ERCC1: variants seen among roughly 807,000 people sequenced by gnomAD.
ERCC1 encodes ERCC excision repair 1, endonuclease non-catalytic subunit.
Under a neutral mutation model 37.6 loss-of-function variants are expected in ERCC1, and 36 were observed. That is an observed-to-expected ratio of 0.96 (90% CI 0.73 to 1.26). The LOEUF is 1.26. Ranked by LOEUF, ERCC1 falls within the 50% of genes most tolerant of loss-of-function variation. ERCC1 has a pLI of 0.00. For missense variants in ERCC1, 349 were observed against 376.5 expected (o/e 0.93, Z 0.60); for synonymous variants, 156 against 162.1 (o/e 0.96, Z 0.28).
intron 1 of ERCC1, among the ~76,000 whole-genome samples, chr19:45,445,532 G>A (rs930276931): frequency 6.6e-6 from 1 of 152,192 alleles, no homozygotes; most frequent in African/African-American, 2.4e-5. Context: ...GAGACAGGGG[G>A]TTGGGGGTTG....
chr19:45,430,399 G>A (rs1172863947), intron 1 of ERCC1, among the ~76,000 whole-genome samples: 1 of 152,180 alleles, frequency 6.6e-6, no homozygotes, highest in Admixed American at 6.6e-5. Context: ...TGTTAGAGAT[G>A]AAGACACCAG....
chr19:45,408,003 G>A lies in ERCC1; in HGVS notation c.*1672C>T, dbSNP rs1017353870. ...CAGGAGGTGGACATTGCAGTGAGCC[G>A]AGATCATGCCACTGCACTCCAGCCT... is the stretch of plus-strand genomic sequence containing the variant. On this transcript the variant is annotated 3_prime_UTR_variant, in exon 10 of 10. Transcript: ENST00000300853. The A allele has an allele frequency of 1.3e-4, 159 of 1,239,706 alleles. No homozygotes were observed. The African/African-American group carries it at 2.0e-3, about 16-fold the overall frequency. 76.8% of individuals were successfully genotyped at this position (1,239,706 alleles called of 1,614,324 possible).
chr19:45,413,444 G>C, intron 9 of ERCC1: 2 of 808,826 alleles, frequency 2.5e-6, no homozygotes, highest in Non-Finnish European at 2.0e-6. Context: ...TGCCCAGCTA[G>C]TTTTTTTTAT....
At position 45,408,091 on chromosome 19, in the gene ERCC1, C is replaced by T. The variant is rs567181439; in HGVS notation, c.*1584G>A. 4.0e-6 allele frequency: 6 copies of T among 1,511,994 alleles called. No homozygotes were observed. In the African/African-American group the frequency reaches 4.2e-5, roughly 11 times the overall value. The allele number at this position is 1,511,994 out of a possible 1,614,324, so 93.7% of individuals were successfully genotyped here. On this transcript the variant is annotated 3_prime_UTR_variant, in exon 10 of 10. Transcript: ENST00000300853. ...AAAAAATCAAAAAACCTTCCCTCTCCTGTTCCACTTAAGCCTCTGCCCTCC... is the reference window on the plus strand; with the variant it reads ...AAAAAATCAAAAAACCTTCCCTCTCTTGTTCCACTTAAGCCTCTGCCCTCC...
Position 45,421,727 on chromosome 19 carries a change from A to G in ERCC1, c.106-334T>C, listed in dbSNP as rs549572454. Among the ~76,000 whole-genome samples the G allele has an allele frequency of 2.7e-5, 4 of 146,772 alleles. No individual in the cohort carries two copies. The South Asian group carries it at 8.6e-4, about 32-fold the overall frequency. ...CGGCTCACTGCAACCTCCGCCCCCCAGGTTCAAGCGATTCTCCTGTCTCAG... is the reference window on the plus strand; with the variant it reads ...CGGCTCACTGCAACCTCCGCCCCCCGGGTTCAAGCGATTCTCCTGTCTCAG... On this transcript the variant is annotated intron_variant, in intron 2 of 9. Transcript: ENST00000300853.
intron 1 of ERCC1, among the ~76,000 whole-genome samples, chr19:45,430,166 G>A (rs1027911977): frequency 2.4e-4 from 36 of 152,342 alleles, no homozygotes; most frequent in African/African-American, 8.7e-4. Context: ...CTCAGTCATC[G>A]CCTTGTCCCC....
chr19:45,434,604 G>A (rs1444493628), intron 1 of ERCC1, among the ~76,000 whole-genome samples: 1 of 151,350 alleles, frequency 6.6e-6, no homozygotes, highest in Non-Finnish European at 1.5e-5. Flanking sequence ...TTTGTTTTCC[G>A]AGACTGAGTC....
In ERCC1 at chr19:45,408,593, G is replaced by A. The variant is rs1394559512; in HGVS notation, c.*1082C>T. 10 of 1,613,694 alleles carry A rather than the reference G, an allele frequency of 6.2e-6. No homozygotes were observed. The highest frequency in any genetic ancestry group is 8.5e-6 in the Non-Finnish European group (10 of 1,180,014). On this transcript the variant is annotated 3_prime_UTR_variant, in exon 10 of 10. Transcript: ENST00000300853. ...CATGGCTTTGGGGTCGCCAGAAATG[G>A]ATGTGCGGAAGAAGAAGAAGAAAAA...
In ERCC1 at chr19:45,408,756, A is replaced by G; in HGVS notation, c.*919T>C. 3 of 1,613,990 alleles carry G rather than the reference A, an allele frequency of 1.9e-6. No individual in the cohort carries two copies. Among genetic ancestry groups the G allele is most frequent in the Non-Finnish European group, 2.5e-6 (3 of 1,180,012 alleles). ...AAGCCCAAAGGGAAAGAAACCTTCG[A>G]GCCAGAAGACAAGACAGTGAAGCAG... On this transcript the variant is annotated 3_prime_UTR_variant, in exon 10 of 10. Transcript: ENST00000300853.
chr19:45,442,769 A>G (rs1180212526), intron 1 of ERCC1, among the ~76,000 whole-genome samples: 1 of 152,208 alleles, frequency 6.6e-6, no homozygotes, highest in Admixed American at 6.5e-5. Flanking sequence ...CCAGGAAGGC[A>G]TCTTCCAGAA....
intron 1 of ERCC1, among the ~76,000 whole-genome samples, chr19:45,446,811 A>C (rs1966957372): frequency 6.6e-6 from 1 of 152,148 alleles, no homozygotes; most frequent in Admixed American, 6.6e-5. Flanking sequence ...CAGCCTGACC[A>C]ACATGGTGAA....
rs536107648 is a variant in ERCC1 at position 45,432,230 on chromosome 19, A to G, written c.-7-8849T>C. ...CATGATCCACCCGCCTTGGCCTCCC[A>G]AAGTGCTGGGATTACAGGCATGAGC... On this transcript the variant is annotated intron_variant, in intron 1 of 8. Coordinates refer to the ERCC1 transcript ENST00000423698. 2.0e-3 allele frequency among the ~76,000 whole-genome samples: 311 copies of G among 151,930 alleles called. 4 individuals are homozygous for G. Among genetic ancestry groups the G allele is most frequent in the South Asian group, 1.7e-3 (8 of 4,824 alleles).
At chr19:45,427,393 G>A (rs925050961), upstream of ERCC1, among the ~76,000 whole-genome samples, 6 of 152,020 alleles carry the variant, frequency 3.9e-5, no homozygotes, top group African/African-American at 9.7e-5. Flanking sequence ...GGTGGATCAC[G>A]AGGTCAGGAG....
At chr19:45,429,653 G>A (rs1393431449) in intron 1 of ERCC1, among the ~76,000 whole-genome samples, 1 of 152,122 alleles carries the variant, frequency 6.6e-6, no homozygotes, top group Non-Finnish European at 1.5e-5. Flanking sequence ...CAGAGCACAT[G>A]CCATTCTCCA....
At position 45,423,282 on chromosome 19, in the gene ERCC1, G is replaced by A; in HGVS notation, c.93C>T (p.Val31=). ...KFVIPLDEDE[V]PPGVAKPLFR... is the part of the protein sequence containing the mutation. ...CTCCTTGTCCTACCACTCCAGGAGG[G>A]ACCTCATCCTCGTCGAGGGGTATCA... The change falls in exon 2 of 10, where the codon GTC becomes GTT. Residue 31 remains valine, a synonymous_variant. Transcript: ENST00000300853. 1.9e-6 allele frequency: 3 copies of A among 1,613,472 alleles called. No homozygotes were observed. Among genetic ancestry groups the A allele is most frequent in the Non-Finnish European group, 2.5e-6 (3 of 1,179,790 alleles).
chr19:45,409,897 T>TATTATTA lies in ERCC1; in HGVS notation c.844-173_844-172insTAATAAT, dbSNP rs59818252. 281 of 235,976 alleles carry TATTATTA rather than the reference T, an allele frequency of 1.2e-3. 1 individual carries two copies. Among genetic ancestry groups the TATTATTA allele is most frequent in the African/African-American group, 8.3e-3 (263 of 31,754 alleles). The allele number at this position is 235,976 out of a possible 1,614,324, so 14.6% of individuals were successfully genotyped here. ...TTTAAGTTATTATTATTATTATTAT[T>TATTATTA]TTTTTTTTTTTTGAGATGGAGTCTC... is the stretch of plus-strand genomic sequence containing the variant. On this transcript the variant is annotated intron_variant, in intron 9 of 9. Coordinates refer to ENST00000300853, the MANE Select transcript of ERCC1 (RefSeq NM_001983.4).
rs1974349152 is a variant in ERCC1, at chr19:45,420,477, A to G, written c.322-50T>C. The G allele has an allele frequency of 4.2e-6, 5 of 1,179,068 alleles. No individual in the cohort carries two copies. Among genetic ancestry groups the G allele is most frequent in the Non-Finnish European group, 6.3e-6 (5 of 795,798 alleles). The allele number at this position is 1,179,068 out of a possible 1,614,324, so 73.0% of individuals were successfully genotyped here. On this transcript the variant is annotated intron_variant, in intron 3 of 9. Transcript: ENST00000300853. This position sits in a 1 kb window ranked among gnomAD's most constrained non-coding sequence, Gnocchi z 4.8. ...CCATCAATAGGGATGACCCTTGATA[A>G]CCACAGGGCCCTCCTCCACCTCTTC...
intron 1 of ERCC1, among the ~76,000 whole-genome samples, chr19:45,441,220 A>G (rs1045298034): frequency 1.3e-5 from 2 of 152,148 alleles, no homozygotes; most frequent in African/African-American, 4.8e-5. Context: ...CATCAGTGTC[A>G]GGCCTCAAGG....
intron 1 of ERCC1, among the ~76,000 whole-genome samples, chr19:45,442,315 CAAA>C (rs61166082): frequency 4.7e-5 from 4 of 85,798 alleles, no homozygotes; most frequent in African/African-American, 3.6e-5. Context: ...GACCCTGTCT[CAAA>C]AAAAAAAAAA....
Sources: gnomAD v4.1 joint callset for allele counts (sites outside exome capture counted in the v4.1 genomes callset) on GRCh38, gnomAD v4.1.1 for gene constraint, Gnocchi (gnomAD v3.1) non-coding constraint, MANE v1.5 for transcripts, NCBI Gene and HGNC (gene_info 2026-07-23, HGNC 2026-07-21) for gene names.